Variants in GPC6 observed in about 807,000 individuals in gnomAD.
The protein encoded by GPC6 is glypican 6, also known as glypican-6.
Under a neutral mutation model 55.2 loss-of-function variants are expected in GPC6, and 14 were observed. The ratio of observed to expected loss-of-function variants is 0.25; its 90% confidence interval spans 0.17 to 0.40. The LOEUF (loss-of-function observed/expected upper bound fraction) is 0.40. Ranked by LOEUF, GPC6 falls within the 10% of genes least tolerant of loss-of-function variation. The pLI, the probability that GPC6 is intolerant of heterozygous loss-of-function variation, is 1.00. For missense variants in GPC6, 641 were observed against 708.5 expected, an observed-to-expected ratio of 0.90 and a Z score of 1.08; for synonymous variants, 278 against 259.6, an observed-to-expected ratio of 1.07 and a Z score of -0.68.
intron 4 of GPC6, among the ~76,000 whole-genome samples, chr13:94,224,567 T>C (rs996233248): frequency 6.6e-6 from 1 of 151,996 alleles, no homozygotes; most frequent in African/African-American, 2.4e-5. Context: ...ATCAGAACCA[T>C]AAGGTGGATG....
intron 2 of GPC6, among the ~76,000 whole-genome samples, chr13:93,658,733 T>C (rs1364341837): frequency 2.0e-5 from 3 of 151,786 alleles, no homozygotes; most frequent in Non-Finnish European, 4.4e-5. Flanking sequence ...TTAAATATTA[T>C]AGCATATTAT....
At chr13:93,988,622 G>A (rs562032740) in intron 3 of GPC6, among the ~76,000 whole-genome samples, 1 of 152,048 alleles carries the variant, frequency 6.6e-6, no homozygotes, top group Non-Finnish European at 1.5e-5. Flanking sequence ...TATGGCGGAA[G>A]GGGGAGCAAG....
At chr13:94,147,723 C>A (rs1352628230) in intron 4 of GPC6, among the ~76,000 whole-genome samples, 1 of 152,138 alleles carries the variant, frequency 6.6e-6, no homozygotes, top group African/African-American at 2.4e-5. Flanking sequence ...GTTGTCTCAT[C>A]TGTAAGCTGG....
intron 4 of GPC6, among the ~76,000 whole-genome samples, chr13:94,189,226 T>C (rs1053654130): frequency 3.3e-5 from 5 of 152,258 alleles, no homozygotes; most frequent in African/African-American, 1.2e-4. Context: ...GGTTTAATTG[T>C]GCTGAACAGA....
chr13:94,352,246 TGA>T (rs1306636912), intron 6 of GPC6, among the ~76,000 whole-genome samples: 1 of 151,970 alleles, frequency 6.6e-6, no homozygotes, highest in African/African-American at 2.4e-5. Context: ...ACAGGGCTGG[TGA>T]GAGTGGGACT....
chr13:93,981,274 T>C (rs1880793303), intron 3 of GPC6, among the ~76,000 whole-genome samples: 1 of 152,094 alleles, frequency 6.6e-6, no homozygotes, highest in African/African-American at 2.4e-5. Context: ...ATTGTAAAAG[T>C]TTTTTCGCAA....
intron 4 of GPC6, among the ~76,000 whole-genome samples, chr13:94,097,346 AAAAC>A (rs937257397): frequency 6.6e-6 from 1 of 151,882 alleles, no homozygotes; most frequent in African/African-American, 2.4e-5. Context: ...ACTAAAAACA[AAAAC>A]AAAAAAATTA....
intron 1 of GPC6, among the ~76,000 whole-genome samples, chr13:93,301,054 T>TTGTACCCA (rs1878661800): frequency 6.6e-6 from 1 of 152,176 alleles, no homozygotes; most frequent in Admixed American, 6.5e-5. Context: ...GCTTCACTTC[T>TTGTACCCA]TGTACCCATT....
intron 2 of GPC6, among the ~76,000 whole-genome samples, chr13:93,754,398 C>A (rs1243526777): frequency 6.6e-6 from 1 of 152,090 alleles, no homozygotes; most frequent in Non-Finnish European, 1.5e-5. Context: ...ATTGTGAGAC[C>A]TTCCAAAATG....
intron 4 of GPC6, among the ~76,000 whole-genome samples, chr13:94,268,404 C>G (rs1891881531): frequency 6.6e-6 from 1 of 152,130 alleles, no homozygotes; most frequent in South Asian, 2.1e-4. Flanking sequence ...CCCAAATTAT[C>G]TATTCCCTTT....
At chr13:93,979,470 G>A (rs933552926) in intron 3 of GPC6, among the ~76,000 whole-genome samples, 28 of 151,228 alleles carry the variant, frequency 1.9e-4, no homozygotes, top group South Asian at 4.2e-4. Context: ...AATTCCTGGC[G>A]CACTGTATTA....
rs368833976 is a variant in GPC6, at chr13:93,255,497, A to T, written c.160+27881A>T. ...TGTACAAACTAATATTTCTTTCTAA[A>T]AACAAGGTGAAAAGTGTTTGGGTTT... On this transcript the variant is annotated intron_variant, in intron 1 of 8. Transcript: ENST00000377047. 1.2e-4 allele frequency among the ~76,000 whole-genome samples: 19 copies of T among 152,302 alleles called. No homozygotes were observed. In the East Asian group the frequency reaches 2.7e-3, roughly 22 times the overall value.
rs1881343543 is a variant in GPC6 at position 94,405,806 on chromosome 13, G to T, written c.*2589G>T. 1 of 152,102 alleles carries T rather than the reference G, an allele frequency of 6.6e-6. No individual in the cohort carries two copies. Among genetic ancestry groups the T allele is most frequent in the African/African-American group, 2.4e-5 (1 of 41,420 alleles). 9.4% of individuals were successfully genotyped at this position (152,102 alleles called of 1,614,324 possible). ...TGTCACAGTGTTAGCACCCTGCATG[G>T]ATGTGGTCAAAATATCATTCAAGTT... On this transcript the variant is annotated 3_prime_UTR_variant, in exon 9 of 9. Coordinates refer to ENST00000377047, the MANE Select transcript of GPC6 (RefSeq NM_005708.5).
intron 1 of GPC6, among the ~76,000 whole-genome samples, chr13:93,514,708 G>T (rs1041727145): frequency 1.3e-5 from 2 of 152,140 alleles, no homozygotes; most frequent in African/African-American, 4.8e-5. Flanking sequence ...GAAATGAACT[G>T]TCTCGTTTCC....
intron 3 of GPC6, among the ~76,000 whole-genome samples, chr13:94,003,493 A>C (rs1881896705): frequency 6.6e-6 from 1 of 152,216 alleles, no homozygotes; most frequent in Non-Finnish European, 1.5e-5. Flanking sequence ...TGGGATAAGC[A>C]AAAAGGTTAA....
chr13:94,011,240 T>TGTAA (rs907478343), intron 3 of GPC6, among the ~76,000 whole-genome samples: 1 of 152,212 alleles, frequency 6.6e-6, no homozygotes, highest in Non-Finnish European at 1.5e-5. Context: ...AAGTAATTAC[T>TGTAA]GTAAGTAACA....
intron 2 of GPC6, among the ~76,000 whole-genome samples, chr13:93,620,029 T>G (rs1373297092): frequency 6.6e-6 from 1 of 152,142 alleles, no homozygotes; most frequent in Non-Finnish European, 1.5e-5. Flanking sequence ...CACTTAAAGA[T>G]TTCCTAAACT....
chr13:93,485,391 T>G (rs1879667661), intron 1 of GPC6, among the ~76,000 whole-genome samples: 1 of 152,182 alleles, frequency 6.6e-6, no homozygotes, highest in African/African-American at 2.4e-5. Context: ...AGGATCCCAT[T>G]AGATCTGATG....
At chr13:93,780,844 ATTTTAT>A (rs1451920234) in intron 2 of GPC6, among the ~76,000 whole-genome samples, 1 of 152,040 alleles carries the variant, frequency 6.6e-6, no homozygotes, top group Non-Finnish European at 1.5e-5. Flanking sequence ...AAAATGACTG[ATTTTAT>A]TTTTAATTTC....
Sources: allele counts gnomAD v4.1 joint callset (sites outside exome capture counted in the v4.1 genomes callset), GRCh38; gene constraint gnomAD v4.1.1; transcripts MANE v1.5; gene names NCBI Gene and HGNC (gene_info 2026-07-23, HGNC 2026-07-21).